The following MCEE variants were observed in gnomAD, a reference collection of about 807,000 sequenced individuals.
MCEE encodes methylmalonyl-CoA epimerase.
In MCEE, 6 loss-of-function variants were observed where a neutral mutation model predicts 12.9. The observed-to-expected ratio is 0.47, with a 90% CI of 0.26 to 0.92. MCEE has a LOEUF of 0.92. Ranked by LOEUF, MCEE falls within the 40% of genes least tolerant of loss-of-function variation. The pLI is 0.16. For missense variants in MCEE, 214 were observed against 212.1 expected (o/e 1.01, Z -0.05); for synonymous variants, 78 against 77.9 (o/e 1.00, Z -0.01).
chr2:71,111,678 C>T (rs1183709068), intron 2 of MCEE, among the ~76,000 whole-genome samples: 4 of 152,190 alleles, frequency 2.6e-5, no homozygotes, highest in African/African-American at 9.7e-5. Context: ...CTGTGCAGCT[C>T]TCCTTTCCAG....
chr2:71,124,352 G>A lies in MCEE; in HGVS notation c.232C>T (p.Pro78Ser), dbSNP rs1307619613. The change falls in exon 2 of 3, where the codon CCT becomes TCT. Residue 78 changes from proline to serine, a missense_variant. Pro to Ser is a moderately conservative substitution (Grantham distance 74). Coordinates refer to ENST00000244217, the MANE Select transcript of MCEE (RefSeq NM_032601.4). ...ACAGATACTCCATGTTCAGGAAGAG[G>A]GACCGCTTCACTTACCTGGGCCCCC... Reference protein sequence around the residue: ...ILGAQVSEAVPLPEHGVSVVF... With the variant: ...ILGAQVSEAVSLPEHGVSVVF... 1 of 1,614,002 alleles carries A rather than the reference G, an allele frequency of 6.2e-7. No homozygotes were observed. Among genetic ancestry groups the A allele is most frequent in the African/African-American group, 1.3e-5 (1 of 74,906 alleles).
intron 1 of MCEE, among the ~76,000 whole-genome samples, chr2:71,128,530 A>AATTTTTTT (rs1673288166): frequency 6.8e-6 from 1 of 147,942 alleles, no homozygotes; most frequent in Admixed American, 6.7e-5. Flanking sequence ...TTAAAAAGCA[A>AATTTTTTT]TTTTTTTTTT....
Position 71,124,398 on chromosome 2 carries a change from T to A in MCEE, c.186A>T (p.Ala62=). The change falls in exon 2 of 3, where the codon GCA becomes GCT. Residue 62 remains alanine (A), a synonymous_variant. Coordinates refer to ENST00000244217, the MANE Select transcript of MCEE (RefSeq NM_032601.4). ...CCCCCAGAATATTCTTATAAAATGC[T>A]GCAGCCTTTTCCAAATCTGGCACTG... is the stretch of plus-strand genomic sequence containing the variant. ...AIAVPDLEKA[A]AFYKNILGAQ... 6.2e-7 allele frequency: 1 copy of A among 1,614,202 alleles called. No individual in the cohort carries two copies. The highest frequency in any genetic ancestry group is 8.5e-7 in the Non-Finnish European group (1 of 1,180,042).
chr2:71,129,256 T>C (rs1012955826), intron 1 of MCEE, among the ~76,000 whole-genome samples: 46 of 152,312 alleles, frequency 3.0e-4, no homozygotes, highest in African/African-American at 1.0e-3. Context: ...TGTGCAGTTC[T>C]AAAAATAGAC....
rs1673172234 is a variant in MCEE at position 71,124,372 on chromosome 2, G to A, written c.212C>T (p.Ala71Val). The change falls in exon 2 of 3, where the codon GCC becomes GTC. Residue 71 changes from alanine to valine, a missense_variant. Ala to Val is a moderately conservative substitution (Grantham distance 64). Transcript: ENST00000244217. ...AAGAGGGACCGCTTCACTTACCTGG[G>A]CCCCCAGAATATTCTTATAAAATGC... ...AAAFYKNILGAQVSEAVPLPE... is the reference protein window; with the variant it reads ...AAAFYKNILGVQVSEAVPLPE... 1.9e-6 allele frequency: 3 copies of A among 1,613,986 alleles called. No homozygotes were observed. Among genetic ancestry groups the A allele is most frequent in the Non-Finnish European group, 2.5e-6 (3 of 1,179,968 alleles).
intron 2 of MCEE, among the ~76,000 whole-genome samples, chr2:71,111,677 T>A (rs1473246715): frequency 6.6e-6 from 1 of 152,092 alleles, no homozygotes; most frequent in Non-Finnish European, 1.5e-5. Flanking sequence ...TCTGTGCAGC[T>A]CTCCTTTCCA....
At chr2:71,125,473 A>G (rs1301828348) in intron 1 of MCEE, among the ~76,000 whole-genome samples, 1 of 129,822 alleles carries the variant, frequency 7.7e-6, no homozygotes, top group African/African-American at 2.9e-5. Flanking sequence ...TCCCAAAGTG[A>G]TAGGATTAGA....
intron 1 of MCEE, among the ~76,000 whole-genome samples, chr2:71,125,784 C>T (rs1673218303): frequency 6.6e-6 from 1 of 152,174 alleles, no homozygotes. Context: ...ATTTACTGTG[C>T]ACCTACTGTC....
Position 71,129,496 on chromosome 2 carries a change from GA to G in MCEE, c.40+683del, listed in dbSNP as rs3070609. Among the ~76,000 whole-genome samples, 225 of 145,194 alleles carry G rather than the reference GA, an allele frequency of 1.5e-3. 1 individual carries two copies. Among genetic ancestry groups the G allele is most frequent in the African/African-American group, 5.4e-3 (211 of 39,084 alleles). On this transcript the variant is annotated intron_variant, in intron 1 of 2. Coordinates refer to ENST00000244217, the MANE Select transcript of MCEE (RefSeq NM_032601.4). ...TTGCCCTCTCATAAAAGGAGGAAGA[GA>G]AAAAAAAAAAGGATAAAAAGAGGAG... is the stretch of plus-strand genomic sequence containing the variant.
At chr2:71,130,136 C>T (rs1458451675) in intron 1 of MCEE, 44 bp downstream of exon 1, 3 of 1,594,942 alleles carry the variant, frequency 1.9e-6, no homozygotes, top group Admixed American at 3.5e-5. Flanking sequence ...GCCGTTCCCA[C>T]GCTCCCTGTC....
chr2:71,125,443 G>A (rs1673208243), intron 1 of MCEE, among the ~76,000 whole-genome samples: 1 of 151,482 alleles, frequency 6.6e-6, no homozygotes, highest in Non-Finnish European at 1.5e-5. Flanking sequence ...CTGACCTCAG[G>A]TGATCCACCC....
In MCEE at chr2:71,124,273, C is replaced by T. The variant is rs6748672; in HGVS notation, c.311G>A (p.Arg104His). Residue 104 changes from arginine (R) to histidine (H), a missense_variant, in exon 2 of 3, where the codon CGT (arginine) becomes CAT (histidine). Transcript: ENST00000244217. ...TKMELLHPLG[R>H]DSPIAGFLQK... ...CAGAAAACCTGCAATTGGACTGTCA[C>T]GTCCCAATGGATGAAGCAGTTCCAT... The T allele has an allele frequency of 5.3e-5, 85 of 1,613,890 alleles. No individual in the cohort carries two copies. The highest frequency in any genetic ancestry group is 6.9e-5 in the Non-Finnish European group (82 of 1,179,946).
At chr2:71,129,815 A>T (rs1435019085) in intron 1 of MCEE, 2 of 365,462 alleles carry the variant, frequency 5.5e-6, no homozygotes, top group Non-Finnish European at 1.0e-5. Flanking sequence ...GTTTCTCCCC[A>T]GTCTCTTTAT....
chr2:71,117,255 T>A (rs902807238), intron 2 of MCEE, among the ~76,000 whole-genome samples: 1 of 150,620 alleles, frequency 6.6e-6, no homozygotes, highest in African/African-American at 2.5e-5. Flanking sequence ...AGGGTTCAGA[T>A]GGTTCCAGTC....
intron 1 of MCEE, among the ~76,000 whole-genome samples, chr2:71,128,372 C>T (rs1673284583): frequency 6.6e-6 from 1 of 152,120 alleles, no homozygotes; most frequent in South Asian, 2.1e-4. Flanking sequence ...TACACACCCC[C>T]AAAGAAGCGG....
At position 71,129,790 on chromosome 2, in the gene MCEE, G is replaced by C. The variant is rs192145214; in HGVS notation, c.40+390C>G. 788 of 323,850 alleles carry C rather than the reference G, an allele frequency of 2.4e-3. 2 individuals are homozygous for C. The highest frequency in any genetic ancestry group is 7.4e-3 in the Middle Eastern group (7 of 946). 20.1% of individuals were successfully genotyped at this position (323,850 alleles called of 1,614,324 possible). ...CTAGTAGTTGTTGTTTTTACGGAAC[G>C]TGCTCTCCTTTCTGGTTTCTCCCCA... is the stretch of plus-strand genomic sequence containing the variant. On this transcript the variant is annotated intron_variant, in intron 1 of 2. Coordinates refer to ENST00000244217, the MANE Select transcript of MCEE (RefSeq NM_032601.4).
At chr2:71,126,976 T>C (rs1019034047) in intron 1 of MCEE, among the ~76,000 whole-genome samples, 1 of 152,236 alleles carries the variant, frequency 6.6e-6, no homozygotes. Flanking sequence ...CATTTCAGAA[T>C]AGTGCAGCAG....
In MCEE at chr2:71,130,117, C is replaced by T. The variant is rs963729988; in HGVS notation, c.40+63G>A. ...TTTGGCCACGCCGAGGCCTCCTCCG[C>T]CCCCGACCGCCGTTCCCACGCTCCC... On this transcript the variant is annotated intron_variant, in intron 1 of 2. Coordinates refer to ENST00000244217, the MANE Select transcript of MCEE (RefSeq NM_032601.4). 5.2e-6 allele frequency: 8 copies of T among 1,543,082 alleles called. No individual in the cohort carries two copies. The Admixed American group carries it at 5.5e-5, about 11-fold the overall frequency.
rs1036471135 is a variant in MCEE at position 71,118,786 on chromosome 2, A to G, written c.378+5420T>C. Among the ~76,000 whole-genome samples the G allele has an allele frequency of 2.7e-5, 4 of 150,170 alleles. 1 individual carries two copies. Among genetic ancestry groups the G allele is most frequent in the African/African-American group, 1.0e-4 (4 of 39,560 alleles). ...TTCGACATATGAATTTTGAGGGGAC[A>G]TAAGCATTTAGTTCTAAGCTGGCCT... On this transcript the variant is annotated intron_variant, in intron 2 of 2. Transcript: ENST00000244217.
Sources: gnomAD v4.1 joint callset for allele counts (sites outside exome capture counted in the v4.1 genomes callset) on GRCh38, gnomAD v4.1.1 for gene constraint, MANE v1.5 for transcripts, NCBI Gene and HGNC (gene_info 2026-07-23, HGNC 2026-07-21) for gene names.